Variants in PTPN21 observed in about 807,000 individuals in gnomAD.
The protein encoded by PTPN21 is tyrosine-protein phosphatase non-receptor type 21.
Under a neutral mutation model 131.8 loss-of-function variants are expected in PTPN21, and 77 were observed. That is an observed-to-expected ratio of 0.58 (90% CI 0.49 to 0.71). The LOEUF (loss-of-function observed/expected upper bound fraction) is 0.71. Ranked by LOEUF, PTPN21 falls within the 30% of genes least tolerant of loss-of-function variation. The pLI is 0.00. For synonymous variants in PTPN21, 715 were observed against 621.3 expected (o/e 1.15, Z -2.24); for missense variants, 1,552 against 1,527.1 (o/e 1.02, Z -0.27).
At chr14:88,550,835 T>C (rs2078855801) in intron 1 of PTPN21, among the ~76,000 whole-genome samples, 1 of 152,200 alleles carries the variant, frequency 6.6e-6, no homozygotes, top group South Asian at 2.1e-4. Flanking sequence ...CAAATAGGGA[T>C]AGCAAACTGG....
At chr14:88,501,499 A>G in intron 6 of PTPN21, 131 bp from the exon 7 acceptor site, 2 of 767,752 alleles carry the variant, frequency 2.6e-6, no homozygotes, top group South Asian at 3.5e-5. Context: ...AGCATCTATA[A>G]TTGGCTATAT....
chr14:88,550,615 C>T lies in PTPN21; in HGVS notation c.-198G>A, dbSNP rs1473915444. 2 of 546,482 alleles carry T rather than the reference C, an allele frequency of 3.7e-6. No individual in the cohort carries two copies. Among genetic ancestry groups the T allele is most frequent in the East Asian group, 6.1e-5 (2 of 32,690 alleles). 33.9% of individuals were successfully genotyped at this position (546,482 alleles called of 1,614,324 possible). On this transcript the variant is annotated 5_prime_UTR_variant, in exon 2 of 19. An upstream open reading frame in the 5' UTR gains an earlier in-frame stop. Transcript: ENST00000556564. ...GGCCCGAGGAAGGGAGCATTGACGC[C>T]AGCGCTGGGGAAAGAGGAACGCCGT...
chr14:88,508,372 A>G (rs185441625), intron 3 of PTPN21, among the ~76,000 whole-genome samples: 2 of 152,170 alleles, frequency 1.3e-5, no homozygotes, highest in East Asian at 3.9e-4. Flanking sequence ...GCTGTTCTCT[A>G]ACTCCTGGGC....
At chr14:88,517,347 C>T in intron 2 of PTPN21, 86 bp from the exon 3 acceptor site, 14 of 1,417,686 alleles carry the variant, frequency 9.9e-6, no homozygotes, top group Non-Finnish European at 1.4e-5. Context: ...TGACCTGTGA[C>T]CAAATGACAG....
At chr14:88,478,458 GA>G (rs1464207609) in intron 13 of PTPN21, among the ~76,000 whole-genome samples, 3 of 152,152 alleles carry the variant, frequency 2.0e-5, no homozygotes, top group African/African-American at 7.2e-5. Context: ...CCAACCTGGA[GA>G]ATTATATTAG....
Position 88,479,751 on chromosome 14 carries a change from C to G in PTPN21, c.1680G>C (p.Thr560=). Residue 560 remains threonine (T), a synonymous_variant, in exon 13 of 19, where the codon ACG becomes ACC. Coordinates refer to ENST00000556564, the MANE Select transcript of PTPN21 (RefSeq NM_007039.4). Reference sequence around the variant, plus strand: ...AGGGTGGGGGTGGCCGGTACACCTGCGTCCGCATGATGTTGGGAGACGGGT... The same window carrying G: ...AGGGTGGGGGTGGCCGGTACACCTGGGTCCGCATGATGTTGGGAGACGGGT... The part of the protein sequence containing the change: ...QDYPSPNIMR[T]QVYRPPPPYP... 8 of 1,543,062 alleles carry G rather than the reference C, an allele frequency of 5.2e-6. No individual in the cohort carries two copies. The highest frequency in any genetic ancestry group is 6.9e-6 in the Non-Finnish European group (8 of 1,151,662).
chr14:88,549,638 GC>G (rs1225975409), intron 2 of PTPN21, among the ~76,000 whole-genome samples: 1 of 151,548 alleles, frequency 6.6e-6, no homozygotes. Context: ...AGAGTTTGTT[GC>G]CCAGGCTGGA....
Position 88,469,011 on chromosome 14 carries a change from TG to T in PTPN21, c.3300del (p.Asn1101ThrfsTer12). ...CTGCAGTGGACCAACAACGGAGGGT[TG>T]GGGCTTTGGGGATCACTTGTGCTAT... ...HTNSTSDPQS[P>X]NPPLLVHCSA... On this transcript the variant is annotated frameshift_variant, in exon 18 of 19. Transcript: ENST00000556564. LOFTEE classifies it high-confidence loss of function. The surrounding 1 kb of genome is among the most constrained non-coding windows in gnomAD (Gnocchi z 4.3). 6.2e-7 allele frequency: 1 copy of T among 1,614,154 alleles called. No homozygotes were observed. The highest frequency in any genetic ancestry group is 1.1e-5 in the South Asian group (1 of 91,076).
chr14:88,479,188 C>A lies in PTPN21; in HGVS notation c.2243G>T (p.Arg748Leu). ...GLAQDPPGCP[R>L]VLLAGPLHIL... ...GTGCAGGGGCCCGGCGAGCAGGACG[C>A]GAGGGCAGCCAGGTGGGTCCTGGGC... The change falls in exon 13 of 19, where the codon CGC (arginine) becomes CTC (leucine). Residue 748 changes from arginine (R) to leucine (L), a missense_variant. By Grantham distance (102) the Arg-to-Leu change is moderately radical. Transcript: ENST00000556564. 2 of 1,568,284 alleles carry A rather than the reference C, an allele frequency of 1.3e-6. No individual in the cohort carries two copies. The highest frequency in any genetic ancestry group is 1.7e-6 in the Non-Finnish European group (2 of 1,160,116).
At chr14:88,533,177 A>G (rs2078577536) in intron 2 of PTPN21, among the ~76,000 whole-genome samples, 1 of 152,250 alleles carries the variant, frequency 6.6e-6, no homozygotes, top group African/African-American at 2.4e-5. Context: ...AAGTACAAGC[A>G]TATTTTCCAA....
chr14:88,539,209 G>A (rs1023003267), intron 2 of PTPN21, among the ~76,000 whole-genome samples: 2 of 149,868 alleles, frequency 1.3e-5, no homozygotes, highest in East Asian at 2.0e-4. Context: ...TCAGCTTCCC[G>A]AGTAGCTGAG....
intron 10 of PTPN21, among the ~76,000 whole-genome samples, chr14:88,494,771 T>A (rs986893252): frequency 2.0e-5 from 3 of 151,946 alleles, no homozygotes; most frequent in Admixed American, 2.0e-4. Context: ...CCCAGCACTT[T>A]GGGAGGCTGA....
intron 8 of PTPN21, 96 bp downstream of exon 8, chr14:88,500,685 TGG>T (rs2077994119): frequency 2.2e-5 from 18 of 814,356 alleles, no homozygotes; most frequent in Middle Eastern, 2.7e-4. Context: ...AATGAGACCT[TGG>T]TATAGACTTG....
intron 3 of PTPN21, chr14:88,512,353 C>A (rs896348878): frequency 6.6e-6 from 1 of 152,180 alleles, no homozygotes; most frequent in East Asian, 1.9e-4. Flanking sequence ...CTCAAAAATG[C>A]ATTTTTACAA....
At chr14:88,526,162 T>C (rs1306407713) in intron 2 of PTPN21, among the ~76,000 whole-genome samples, 1 of 152,086 alleles carries the variant, frequency 6.6e-6, no homozygotes, top group East Asian at 1.9e-4. Flanking sequence ...TGACTGCCTA[T>C]GGGATACAGA....
At chr14:88,470,143 T>C in intron 15 of PTPN21, 93 bp from the exon 16 acceptor site, 1 of 1,308,550 alleles carries the variant, frequency 7.6e-7, no homozygotes, top group Non-Finnish European at 1.1e-6. Context: ...AAAAGTTTTT[T>C]TAAAAAAGTA....
At chr14:88,538,846 A>C (rs964351855) in intron 2 of PTPN21, among the ~76,000 whole-genome samples, 1 of 152,258 alleles carries the variant, frequency 6.6e-6, no homozygotes, top group African/African-American at 2.4e-5. Flanking sequence ...GGAGATGAGC[A>C]TAACAGTGCC....
chr14:88,539,063 T>C (rs1026155672), intron 2 of PTPN21, among the ~76,000 whole-genome samples: 1 of 152,002 alleles, frequency 6.6e-6, no homozygotes, highest in Non-Finnish European at 1.5e-5. Flanking sequence ...TAGGATTCTA[T>C]CTTTGGGAAC....
chr14:88,486,977 C>CA (rs1198956976), intron 10 of PTPN21, among the ~76,000 whole-genome samples: 3,960 of 54,206 alleles, frequency 0.073, 147 homozygotes, highest in African/African-American at 0.15. Context: ...ATTCTAGCCT[C>CA]AAAAAAAAAA....
Sources: allele counts gnomAD v4.1 joint callset (sites outside exome capture counted in the v4.1 genomes callset), GRCh38; gene constraint gnomAD v4.1.1; non-coding constraint Gnocchi (gnomAD v3.1); transcripts MANE v1.5; gene names NCBI Gene and HGNC (gene_info 2026-07-23, HGNC 2026-07-21).